Variants in NKAIN2 observed in about 807,000 individuals in gnomAD.
NKAIN2 encodes sodium/potassium transporting ATPase interacting 2.
A neutral mutation model predicts 32.6 loss-of-function variants in NKAIN2; 14 were observed. The ratio of observed to expected loss-of-function variants is 0.43; its 90% CI spans 0.28 to 0.67. The LOEUF (loss-of-function observed/expected upper bound fraction) is 0.67, where lower values mean the gene tolerates loss of function less well. Among genes scored for constraint, NKAIN2 ranks in the 30% least tolerant of loss-of-function variants. The pLI is 0.17. For synonymous variants in NKAIN2, 80 were observed against 87.2 expected, an observed-to-expected ratio of 0.92 and a Z score of 0.46; for missense variants, 198 against 258.3, an observed-to-expected ratio of 0.77 and a Z score of 1.60.
intron 1 of NKAIN2, among the ~76,000 whole-genome samples, chr6:124,160,128 G>A (rs1788196721): frequency 6.6e-6 from 1 of 152,118 alleles, no homozygotes; most frequent in Non-Finnish European, 1.5e-5. Flanking sequence ...TTTCCTTCCA[G>A]ATAATATACC....
At chr6:124,028,878 T>C (rs542320395) in intron 1 of NKAIN2, among the ~76,000 whole-genome samples, 455 of 33,032 alleles carry the variant, frequency 0.014, 12 homozygotes, top group Admixed American at 0.13. Context: ...CATATATGTA[T>C]ATATATGTGT....
chr6:124,191,395 A>G (rs1790014574), intron 1 of NKAIN2, among the ~76,000 whole-genome samples: 1 of 151,940 alleles, frequency 6.6e-6, no homozygotes, highest in Admixed American at 6.6e-5. Context: ...TTATTTATTA[A>G]TTTAATTTAA....
chr6:124,010,116 C>A (rs1780257793), intron 1 of NKAIN2, among the ~76,000 whole-genome samples: 1 of 152,138 alleles, frequency 6.6e-6, no homozygotes. Context: ...TAAGGAAGAG[C>A]AATGTCTTTG....
chr6:124,165,175 G>C (rs1360669878), intron 1 of NKAIN2, among the ~76,000 whole-genome samples: 3 of 151,988 alleles, frequency 2.0e-5, no homozygotes, highest in African/African-American at 4.8e-5. Flanking sequence ...AGCATTTATT[G>C]TGACTATAAA....
At chr6:124,450,351 T>G (rs2114618779) in intron 3 of NKAIN2, among the ~76,000 whole-genome samples, 1 of 152,224 alleles carries the variant, frequency 6.6e-6, no homozygotes, top group African/African-American at 2.4e-5. Flanking sequence ...ATATGTCTTC[T>G]GTTAGCAATT....
At chr6:123,959,659 T>G (rs966263017) in intron 1 of NKAIN2, among the ~76,000 whole-genome samples, 2 of 152,114 alleles carry the variant, frequency 1.3e-5, no homozygotes, top group African/African-American at 4.8e-5. Context: ...CAGAAATATA[T>G]TAATTGAACT....
At chr6:124,385,024 T>C (rs1178304085) in intron 3 of NKAIN2, among the ~76,000 whole-genome samples, 4 of 152,192 alleles carry the variant, frequency 2.6e-5, no homozygotes, top group African/African-American at 7.2e-5. Context: ...TTAATTTCAC[T>C]TTTGCTGACC....
At chr6:124,261,870 A>T (rs1031407803) in intron 1 of NKAIN2, among the ~76,000 whole-genome samples, 1 of 151,902 alleles carries the variant, frequency 6.6e-6, no homozygotes, top group Admixed American at 6.6e-5. Flanking sequence ...CTCACACAAA[A>T]AAAAAAAAAA....
chr6:124,345,044 G>T (rs567004913), intron 2 of NKAIN2, among the ~76,000 whole-genome samples: 4 of 152,014 alleles, frequency 2.6e-5, no homozygotes, highest in Admixed American at 1.3e-4. Context: ...TAGCATGAAG[G>T]GTTGTTGAAT....
intron 3 of NKAIN2, among the ~76,000 whole-genome samples, chr6:124,429,743 A>T (rs332633): frequency 6.6e-6 from 1 of 152,080 alleles, no homozygotes; most frequent in Non-Finnish European, 1.5e-5. Flanking sequence ...TGGTGCTGGC[A>T]CTGGTGACAC....
chr6:124,064,224 A>G (rs1288437596), intron 1 of NKAIN2, among the ~76,000 whole-genome samples: 2 of 152,148 alleles, frequency 1.3e-5, no homozygotes, highest in African/African-American at 4.8e-5. Flanking sequence ...GTTAAAACAT[A>G]TAATGTTAAC....
At chr6:124,186,245 GAAAGAAAAGAAA>G (rs974661939) in intron 1 of NKAIN2, among the ~76,000 whole-genome samples, 31 of 151,116 alleles carry the variant, frequency 2.1e-4, no homozygotes, top group African/African-American at 6.1e-4. Context: ...AGAAAGGAAA[GAAAGAAAAGAAA>G]AAAGAAAAGA....
intron 1 of NKAIN2, among the ~76,000 whole-genome samples, chr6:124,187,021 G>A (rs949487146): frequency 3.9e-5 from 6 of 152,056 alleles, no homozygotes; most frequent in Admixed American, 2.6e-4. Context: ...GTGGCATGAT[G>A]CTTTTTAGAG....
intron 1 of NKAIN2, among the ~76,000 whole-genome samples, chr6:124,255,534 G>C (rs183591892): frequency 6.6e-6 from 1 of 152,150 alleles, no homozygotes; most frequent in Non-Finnish European, 1.5e-5. Flanking sequence ...CATCTATTTC[G>C]CGGAGGATGC....
chr6:124,605,759 G>A (rs964709502), intron 3 of NKAIN2, among the ~76,000 whole-genome samples: 3 of 151,878 alleles, frequency 2.0e-5, no homozygotes, highest in Non-Finnish European at 4.4e-5. Context: ...AGGCTGCCAT[G>A]GCTACCTAAA....
chr6:124,462,475 A>C (rs652905), intron 3 of NKAIN2, among the ~76,000 whole-genome samples: 1 of 151,900 alleles, frequency 6.6e-6, no homozygotes, highest in Admixed American at 6.6e-5. Flanking sequence ...TCATACAAAG[A>C]TCACAATTTT....
At chr6:123,829,007 G>A (rs1046069285) in intron 1 of NKAIN2, 1 of 152,122 alleles carries the variant, frequency 6.6e-6, no homozygotes, top group Non-Finnish European at 1.5e-5. Context: ...AAATATTCAT[G>A]GAGTAAAAAC....
intron 3 of NKAIN2, among the ~76,000 whole-genome samples, chr6:124,370,348 G>A (rs11154232): frequency 0.18 from 28,003 of 151,746 alleles, 3,007 homozygotes; most frequent in Admixed American, 0.28. Flanking sequence ...TTTTAATAAC[G>A]CAAAATGTGT....
At chr6:123,980,122 A>T (rs546157173) in intron 1 of NKAIN2, among the ~76,000 whole-genome samples, 2 of 152,316 alleles carry the variant, frequency 1.3e-5, no homozygotes, top group South Asian at 4.1e-4. Context: ...GGATGCCTTT[A>T]TAATTGCTGT....
Sources: allele counts gnomAD v4.1 joint callset (sites outside exome capture counted in the v4.1 genomes callset), GRCh38; gene constraint gnomAD v4.1.1; transcripts MANE v1.5; gene names NCBI Gene and HGNC (gene_info 2026-07-23, HGNC 2026-07-21).